ARMC8: variants seen among roughly 807,000 people sequenced by gnomAD.
ARMC8 encodes the protein armadillo repeat containing 8.
A neutral mutation model predicts 99.3 loss-of-function variants in ARMC8; 20 were observed. The ratio of observed to expected loss-of-function variants is 0.20; its 90% CI spans 0.14 to 0.29. The LOEUF is 0.29. Ranked by LOEUF, ARMC8 falls within the 10% of genes least tolerant of loss-of-function variation. The pLI is 1.00. For synonymous variants in ARMC8, 263 were observed against 278.3 expected, an observed-to-expected ratio of 0.95 and a Z score of 0.55; for missense variants, 569 against 809.5, an observed-to-expected ratio of 0.70 and a Z score of 3.60.
chr3:138,275,367 C>T (rs1411617557), intron 18 of ARMC8, among the ~76,000 whole-genome samples: 2 of 152,078 alleles, frequency 1.3e-5, no homozygotes, highest in East Asian at 3.9e-4. Flanking sequence ...ACCATCCTGG[C>T]TAACACGGTG....
intron 1 of ARMC8, among the ~76,000 whole-genome samples, chr3:138,190,470 G>A (rs190942427): frequency 3.8e-4 from 57 of 151,846 alleles, no homozygotes; most frequent in Non-Finnish European, 7.7e-4. Flanking sequence ...TGTATTTTTA[G>A]TAGAGACAGA....
intron 9 of ARMC8, among the ~76,000 whole-genome samples, chr3:138,237,863 T>G (rs1325496418): frequency 6.6e-6 from 1 of 152,170 alleles, no homozygotes; most frequent in African/African-American, 2.4e-5. Flanking sequence ...GAAATAATAC[T>G]GAATTAGATT....
chr3:138,198,947 A>G (rs1444894436), intron 1 of ARMC8, among the ~76,000 whole-genome samples: 1 of 152,112 alleles, frequency 6.6e-6, no homozygotes, highest in African/African-American at 2.4e-5. Context: ...CTATACAAGT[A>G]TATTAAATTT....
intron 1 of ARMC8, among the ~76,000 whole-genome samples, chr3:138,196,120 T>G (rs965958592): frequency 1.8e-4 from 27 of 152,180 alleles, no homozygotes; most frequent in Non-Finnish European, 4.4e-5. Context: ...TTTTAAGAAT[T>G]TCTTAGGCTT....
At chr3:138,221,857 G>A in intron 2 of ARMC8, 69 bp from the exon 3 acceptor site, 1 of 1,197,620 alleles carries the variant, frequency 8.3e-7, no homozygotes, top group Non-Finnish European at 1.2e-6. Flanking sequence ...GCATAATGAA[G>A]TAGAATGATC....
chr3:138,226,624 A>T (rs562440709), intron 5 of ARMC8, among the ~76,000 whole-genome samples: 1 of 152,182 alleles, frequency 6.6e-6, no homozygotes, highest in Non-Finnish European at 1.5e-5. Context: ...CCTGTAGTTC[A>T]TATTGTAATG....
At chr3:138,275,636 A>G (rs1184822008) in intron 18 of ARMC8, among the ~76,000 whole-genome samples, 2 of 152,010 alleles carry the variant, frequency 1.3e-5, no homozygotes, top group Admixed American at 6.6e-5. Context: ...TCATCAGTAG[A>G]GAGTTGGACC....
At chr3:138,255,192 T>G (rs34200426) in intron 12 of ARMC8, among the ~76,000 whole-genome samples, 23 of 132,774 alleles carry the variant, frequency 1.7e-4, no homozygotes, top group Admixed American at 8.8e-4. Context: ...TTCTGTTCTG[T>G]TTTTTTTTTT....
At chr3:138,226,542 G>C (rs889770812) in intron 5 of ARMC8, among the ~76,000 whole-genome samples, 1 of 152,198 alleles carries the variant, frequency 6.6e-6, no homozygotes, top group African/African-American at 2.4e-5. Context: ...CTTTCTTTGA[G>C]AACTGCTGGT....
chr3:138,218,729 T>C (rs567504971), intron 2 of ARMC8, among the ~76,000 whole-genome samples: 1 of 152,254 alleles, frequency 6.6e-6, no homozygotes, highest in South Asian at 2.1e-4. Context: ...AGGCATCCCA[T>C]TGTGTGATAC....
chr3:138,270,665 T>C (rs1377462355), intron 16 of ARMC8, among the ~76,000 whole-genome samples: 1 of 152,204 alleles, frequency 6.6e-6, no homozygotes, highest in Non-Finnish European at 1.5e-5. Context: ...AATTAACATG[T>C]GTATTACCTC....
Position 138,245,176 on chromosome 3 carries a change from G to C in ARMC8, c.1127G>C (p.Arg376Pro). The stretch of plus-strand genomic sequence containing the variant: ...CTTGGAGCAAATGATGAAGACATCC[G>C]GAAGAAGGTGAGTCTGGGAGAGGGG... Reference protein sequence around the residue: ...ASLGANDEDIRKKIIETENMM... With the variant: ...ASLGANDEDIPKKIIETENMM... Residue 376 changes from arginine to proline, a missense_variant, in exon 12 of 22, where the codon CGG becomes CCG. Transcript: ENST00000469044. 6.2e-7 allele frequency: 1 copy of C among 1,614,184 alleles called. No individual in the cohort carries two copies. Among genetic ancestry groups the C allele is most frequent in the Non-Finnish European group, 8.5e-7 (1 of 1,180,032 alleles).
intron 16 of ARMC8, among the ~76,000 whole-genome samples, chr3:138,271,039 G>A (rs982760373): frequency 6.6e-6 from 1 of 152,118 alleles, no homozygotes; most frequent in African/African-American, 2.4e-5. Context: ...GAAGGTGAAG[G>A]CCTCACAGTT....
chr3:138,246,215 G>C (rs986245435), intron 12 of ARMC8: 1 of 985,452 alleles, frequency 1.0e-6, no homozygotes, highest in Non-Finnish European at 1.2e-6. Context: ...TTTGATGTGT[G>C]AGTAGCTTTG....
At chr3:138,266,294 C>T (rs142324354) in intron 14 of ARMC8, among the ~76,000 whole-genome samples, 7 of 152,258 alleles carry the variant, frequency 4.6e-5, no homozygotes, top group African/African-American at 1.7e-4. Context: ...ACTCTACTCT[C>T]CAGCTACAGT....
intron 12 of ARMC8, chr3:138,261,861 A>G (rs993019907): frequency 2.6e-5 from 4 of 152,222 alleles, no homozygotes; most frequent in Admixed American, 6.5e-5. Context: ...GGAAGTTGCA[A>G]TGTGTGTCCC....
chr3:138,224,608 G>A (rs779252765), intron 5 of ARMC8, among the ~76,000 whole-genome samples: 5 of 152,064 alleles, frequency 3.3e-5, no homozygotes, highest in African/African-American at 1.2e-4. Context: ...GAAATTAACC[G>A]GGCACGGTGG....
chr3:138,264,994 C>T (rs1458708566), intron 14 of ARMC8, among the ~76,000 whole-genome samples: 2 of 151,702 alleles, frequency 1.3e-5, no homozygotes, highest in South Asian at 2.1e-4. Flanking sequence ...TGCCCCCCGG[C>T]CCAAGTGATT....
rs79896192 is a variant in ARMC8, at chr3:138,251,672, C to A, written c.1134+6489C>A. Reference sequence around the variant, plus strand: ...TTGCCACTTGCCCACAGTATTGAGACCTTTGGCCTTCAACATACTGAAAGA... The same window carrying A: ...TTGCCACTTGCCCACAGTATTGAGAACTTTGGCCTTCAACATACTGAAAGA... On this transcript the variant is annotated intron_variant, in intron 12 of 21. Transcript: ENST00000469044. Among the ~76,000 whole-genome samples, 261 of 152,220 alleles carry A rather than the reference C, an allele frequency of 1.7e-3. 1 individual carries two copies. Among genetic ancestry groups the A allele is most frequent in the African/African-American group, 5.9e-3 (245 of 41,520 alleles).
Sources: allele counts gnomAD v4.1 joint callset (sites outside exome capture counted in the v4.1 genomes callset), GRCh38; gene constraint gnomAD v4.1.1; transcripts MANE v1.5; gene names NCBI Gene and HGNC (gene_info 2026-07-23, HGNC 2026-07-21).